GPR160: variants seen among roughly 807,000 people sequenced by gnomAD.
The protein encoded by GPR160 is probable G protein-coupled receptor 160.
In GPR160, 2 loss-of-function variants were observed where a neutral mutation model predicts 2.6. The observed-to-expected ratio is 0.77, with a 90% CI of 0.32 to 2.44. The LOEUF is 2.44. GPR160 is among the 30% of genes most tolerant of loss of function. The pLI is 0.11. For missense variants in GPR160, 351 were observed against 383.6 expected (o/e 0.91, Z 0.71); for synonymous variants, 130 against 132.2 (o/e 0.98, Z 0.12).
intron 2 of GPR160, among the ~76,000 whole-genome samples, chr3:170,076,659 G>A (rs1712865985): frequency 1.3e-5 from 2 of 151,874 alleles, no homozygotes; most frequent in Admixed American, 1.3e-4. Flanking sequence ...TTCTCCTGCT[G>A]CAGCCTCCTG....
At chr3:170,039,324 T>C (rs1458949018) in intron 2 of GPR160, among the ~76,000 whole-genome samples, 1 of 152,200 alleles carries the variant, frequency 6.6e-6, no homozygotes, top group East Asian at 1.9e-4. Context: ...GAGGAGGACC[T>C]GTGTGCAGTT....
chr3:170,066,448 C>T lies in GPR160; in HGVS notation c.-192-13326C>T, dbSNP rs536537402. ...GCCACCGCGCCTGGCCATTTCTCCC[C>T]TTTTCAAATGCAAATCATGTGTATT... On this transcript the variant is annotated intron_variant, in intron 2 of 3. Coordinates refer to ENST00000355897, the MANE Select transcript of GPR160 (RefSeq NM_014373.3). 1.1e-4 allele frequency among the ~76,000 whole-genome samples: 16 copies of T among 152,064 alleles called. No individual in the cohort carries two copies. The East Asian group carries it at 2.5e-3, about 24-fold the overall frequency.
intron 2 of GPR160, among the ~76,000 whole-genome samples, chr3:170,047,063 C>A (rs1224119727): frequency 6.6e-6 from 1 of 152,170 alleles, no homozygotes; most frequent in Non-Finnish European, 1.5e-5. Context: ...CTGTCGACAG[C>A]CCTTGCCTGG....
intron 2 of GPR160, among the ~76,000 whole-genome samples, chr3:170,070,341 A>C (rs1386322176): frequency 1.3e-5 from 2 of 152,172 alleles, no homozygotes; most frequent in Admixed American, 6.5e-5. Context: ...CTCTTTCTTG[A>C]ACATCAGTAG....
chr3:170,081,059 G>C (rs1352768020), intron 3 of GPR160, among the ~76,000 whole-genome samples: 2 of 152,192 alleles, frequency 1.3e-5, no homozygotes, highest in Non-Finnish European at 2.9e-5. Context: ...AATCATGTGA[G>C]ACAGATGATT....
chr3:170,050,385 A>C (rs1028957941), intron 2 of GPR160, among the ~76,000 whole-genome samples: 6 of 151,316 alleles, frequency 4.0e-5, no homozygotes, highest in Admixed American at 2.0e-4. Flanking sequence ...CTGGGATTAC[A>C]GGCACCTGCC....
intron 2 of GPR160, among the ~76,000 whole-genome samples, chr3:170,065,653 T>C (rs1712288732): frequency 6.6e-6 from 1 of 152,218 alleles, no homozygotes; most frequent in Non-Finnish European, 1.5e-5. Context: ...ACCATTTAGT[T>C]TGGTGTAGAA....
chr3:170,045,103 G>A (rs1716649175), intron 2 of GPR160, among the ~76,000 whole-genome samples: 1 of 152,068 alleles, frequency 6.6e-6, no homozygotes, highest in African/African-American at 2.4e-5. Context: ...TGCCGTGGAG[G>A]AGAATGAAAA....
chr3:170,073,422 G>C (rs1712696081), intron 2 of GPR160, among the ~76,000 whole-genome samples: 1 of 152,050 alleles, frequency 6.6e-6, no homozygotes, highest in Non-Finnish European at 1.5e-5. Flanking sequence ...CCATGAGATT[G>C]ATCTTGGTTT....
intron 2 of GPR160, among the ~76,000 whole-genome samples, chr3:170,052,085 T>C (rs150972072): frequency 0.015 from 2,326 of 152,202 alleles, 75 homozygotes; most frequent in African/African-American, 0.053. Flanking sequence ...GCCACCATGC[T>C]CAGCTAATTT....
chr3:170,077,260 T>A (rs1231145875), intron 2 of GPR160: 4 of 152,308 alleles, frequency 2.6e-5, no homozygotes, highest in Non-Finnish European at 5.9e-5. Flanking sequence ...TTTTTAAACT[T>A]TTCTAAGATT....
intron 2 of GPR160, among the ~76,000 whole-genome samples, chr3:170,066,349 C>T (rs2108333947): frequency 6.6e-6 from 1 of 151,950 alleles, no homozygotes; most frequent in Non-Finnish European, 1.5e-5. Context: ...CCATGTTAGC[C>T]AGGATGGTCT....
chr3:170,070,130 A>C (rs1559989993), intron 2 of GPR160, among the ~76,000 whole-genome samples: 1 of 152,140 alleles, frequency 6.6e-6, no homozygotes, highest in African/African-American at 2.4e-5. Flanking sequence ...ATAATTTCCC[A>C]TTGTCTTATA....
At chr3:170,047,447 T>C (rs1716771259) in intron 2 of GPR160, among the ~76,000 whole-genome samples, 1 of 152,242 alleles carries the variant, frequency 6.6e-6, no homozygotes, top group African/African-American at 2.4e-5. Flanking sequence ...TTTGGGTATA[T>C]TTCCTTTTTA....
At chr3:170,064,558 G>T (rs573142190) in intron 2 of GPR160, among the ~76,000 whole-genome samples, 1 of 126,832 alleles carries the variant, frequency 7.9e-6, no homozygotes, top group East Asian at 2.4e-4. Flanking sequence ...TCACTCTGTC[G>T]CCCAGGCTGG....
intron 2 of GPR160, chr3:170,077,525 AGGC>A (rs1712915463): frequency 2.6e-5 from 4 of 152,194 alleles, no homozygotes; most frequent in Admixed American, 2.6e-4. Flanking sequence ...TCTGACCTTG[AGGC>A]AGAGGGCAAG....
chr3:170,038,459 T>G lies in GPR160; in HGVS notation c.-322+244T>G, dbSNP rs578173925. 2 of 152,496 alleles carry G rather than the reference T, an allele frequency of 1.3e-5. No homozygotes were observed. The highest frequency in any genetic ancestry group is 6.5e-5 in the Admixed American group (1 of 15,298). 9.4% of individuals were successfully genotyped at this position (152,496 alleles called of 1,614,324 possible). The stretch of plus-strand genomic sequence containing the variant: ...TCGGGATGGGGATTACCGCGGAGCC[T>G]TAGCAACTGGGGTCTGTCGTGGGTT... On this transcript the variant is annotated intron_variant, in intron 1 of 3. Transcript: ENST00000355897. This position sits in a 1 kb window ranked among gnomAD's most constrained non-coding sequence, Gnocchi z 5.3.
At chr3:170,070,781 G>A (rs538776763) in intron 2 of GPR160, among the ~76,000 whole-genome samples, 1 of 152,252 alleles carries the variant, frequency 6.6e-6, no homozygotes, top group South Asian at 2.1e-4. Context: ...GTTTAAAGAA[G>A]GCACTGTTCA....
At chr3:170,062,014 A>C (rs1455941293) in intron 2 of GPR160, among the ~76,000 whole-genome samples, 1 of 139,762 alleles carries the variant, frequency 7.2e-6, no homozygotes, top group African/African-American at 2.5e-5. Context: ...TAAAAATTAA[A>C]TTCCAAGTTT....
Sources: allele counts gnomAD v4.1 joint callset (sites outside exome capture counted in the v4.1 genomes callset), GRCh38; gene constraint gnomAD v4.1.1; non-coding constraint Gnocchi (gnomAD v3.1); transcripts MANE v1.5; gene names NCBI Gene and HGNC (gene_info 2026-07-23, HGNC 2026-07-21).